Variants in RBFOX2 observed in about 807,000 individuals in gnomAD.
RBFOX2 encodes the protein RNA binding protein fox-1 homolog 2.
Under a neutral mutation model 49.1 loss-of-function variants are expected in RBFOX2, and 10 were observed. The ratio of observed to expected loss-of-function variants is 0.20; its 90% CI spans 0.13 to 0.35. The LOEUF (loss-of-function observed/expected upper bound fraction) is 0.35. Ranked by LOEUF, RBFOX2 falls within the 10% of genes least tolerant of loss-of-function variation. The pLI is 1.00. For missense variants in RBFOX2, 323 were observed against 486.9 expected (o/e 0.66, Z 3.17); for synonymous variants, 183 against 187.4 (o/e 0.98, Z 0.19).
intron 1 of RBFOX2, among the ~76,000 whole-genome samples, chr22:35,829,136 G>GATAAAGCTCAAGAATATTTATAGACAT: frequency 6.6e-6 from 1 of 152,214 alleles, no homozygotes; most frequent in Admixed American, 6.5e-5. Flanking sequence ...TTGTGCTGTA[G>GATAAAGCTCAAGAATATTTATAGACAT]ATAAAGCTCA....
At chr22:35,867,412 T>A (rs1014015163) in intron 1 of RBFOX2, among the ~76,000 whole-genome samples, 7 of 152,230 alleles carry the variant, frequency 4.6e-5, no homozygotes, top group African/African-American at 1.7e-4. Flanking sequence ...TGACACCTAA[T>A]GTTTGTAATG....
intron 1 of RBFOX2, among the ~76,000 whole-genome samples, chr22:35,873,124 G>T (rs2044574188): frequency 6.6e-6 from 1 of 152,088 alleles, no homozygotes; most frequent in Non-Finnish European, 1.5e-5. Context: ...TGCAAAATTT[G>T]TTACTGAATT....
At chr22:35,769,774 G>A (rs571523069) in intron 4 of RBFOX2, among the ~76,000 whole-genome samples, 4 of 152,030 alleles carry the variant, frequency 2.6e-5, no homozygotes, top group Non-Finnish European at 2.9e-5. Context: ...TAAACAATGC[G>A]CGTTGCTTAA....
At chr22:35,854,985 C>T (rs1269897365) in intron 1 of RBFOX2, among the ~76,000 whole-genome samples, 1 of 152,034 alleles carries the variant, frequency 6.6e-6, no homozygotes, top group African/African-American at 2.4e-5. Context: ...AATAATGTAG[C>T]CTCAGTTATT....
chr22:35,899,215 AT>A (rs1420121601), intron 1 of RBFOX2, among the ~76,000 whole-genome samples: 1 of 151,684 alleles, frequency 6.6e-6, no homozygotes, highest in African/African-American at 2.4e-5. Flanking sequence ...TATAAAAGAC[AT>A]ACCCTGCAGC....
chr22:35,746,070 T>A, intron 10 of RBFOX2, 75 bp from the exon 13 acceptor site: 1 of 1,305,808 alleles, frequency 7.7e-7, no homozygotes, highest in African/African-American at 1.5e-5. Flanking sequence ...TTACTGTGCT[T>A]TAAGACTTGT....
rs145238669 is a variant in RBFOX2, at chr22:35,854,212, CTAA to C, written c.-33-44211_-33-44209del. 9.3e-3 allele frequency among the ~76,000 whole-genome samples: 1,409 copies of C among 150,880 alleles called. 17 individuals are homozygous for C. The highest frequency in any genetic ancestry group is 0.029 in the African/African-American group (1,193 of 41,142). ...GGGCAACGAAAGCAAAACTCTGTCT[CTAA>C]TAATAATAATAATAATAATACGACC... On this transcript the variant is annotated intron_variant, in intron 1 of 13. Coordinates refer to the RBFOX2 transcript ENST00000359369.
At chr22:35,920,113 A>C (rs577139565) in intron 1 of RBFOX2, among the ~76,000 whole-genome samples, 1 of 152,352 alleles carries the variant, frequency 6.6e-6, no homozygotes, top group East Asian at 1.9e-4. Context: ...AGTTTTAACT[A>C]ATTTGGTTCC....
intron 2 of RBFOX2, among the ~76,000 whole-genome samples, chr22:35,781,962 TTGAG>T (rs762566289): frequency 6.6e-6 from 1 of 152,136 alleles, no homozygotes; most frequent in Non-Finnish European, 1.5e-5. Context: ...TGTTGGTGTT[TTGAG>T]TATTTATAGT....
rs1054795641 is a variant in RBFOX2 at position 35,856,301 on chromosome 22, C to T, written c.-33-46297G>A. ...ACATACAACCCTTGGGATCTCAAGA[C>T]TTAGCAAGCACTGGTTAAGTTCAGT... On this transcript the variant is annotated intron_variant, in intron 1 of 13. Transcript: ENST00000359369. Among the ~76,000 whole-genome samples the T allele has an allele frequency of 4.6e-5, 7 of 152,254 alleles. No individual in the cohort carries two copies. The South Asian group carries it at 1.5e-3, about 32-fold the overall frequency.
intron 1 of RBFOX2, among the ~76,000 whole-genome samples, chr22:35,864,260 TG>T (rs1293497126): frequency 6.6e-6 from 1 of 152,228 alleles, no homozygotes; most frequent in African/African-American, 2.4e-5. Flanking sequence ...TCTAGGAATC[TG>T]AGTAATTAAG....
intron 1 of RBFOX2, among the ~76,000 whole-genome samples, chr22:35,991,190 A>G (rs1453283128): frequency 2.0e-5 from 3 of 152,184 alleles, no homozygotes; most frequent in Non-Finnish European, 4.4e-5. Flanking sequence ...AAATTTAGTT[A>G]AGAGAAAGGA....
intron 1 of RBFOX2, among the ~76,000 whole-genome samples, chr22:35,891,580 C>T (rs1015853825): frequency 7.2e-5 from 11 of 152,108 alleles, no homozygotes; most frequent in Non-Finnish European, 1.2e-4. Context: ...AAAATAAAAT[C>T]CAGAAGTTCA....
chr22:35,805,601 T>C (rs1311243173), intron 2 of RBFOX2, among the ~76,000 whole-genome samples: 1 of 152,172 alleles, frequency 6.6e-6, no homozygotes, highest in African/African-American at 2.4e-5. Flanking sequence ...TCTTATCATA[T>C]GATCCAGCAA....
chr22:35,971,174 C>A (rs911434107), intron 1 of RBFOX2, among the ~76,000 whole-genome samples: 1 of 152,050 alleles, frequency 6.6e-6, no homozygotes, highest in African/African-American at 2.4e-5. Flanking sequence ...CAGGTATGCT[C>A]CCCTGGCAAC....
chr22:35,983,531 G>T (rs2057560364), intron 1 of RBFOX2, among the ~76,000 whole-genome samples: 1 of 152,136 alleles, frequency 6.6e-6, no homozygotes, highest in African/African-American at 2.4e-5. Context: ...AATCACTGTG[G>T]TAAGATGTTA....
intron 1 of RBFOX2, chr22:35,994,372 TTTTA>T (rs1449688413): frequency 3.3e-5 from 5 of 151,542 alleles, no homozygotes; most frequent in South Asian, 2.1e-4. Flanking sequence ...GAGTGCATCC[TTTTA>T]TTTATTCATT....
chr22:35,914,226 T>C (rs910109559), intron 1 of RBFOX2, among the ~76,000 whole-genome samples: 7 of 152,184 alleles, frequency 4.6e-5, no homozygotes, highest in South Asian at 2.1e-4. Flanking sequence ...ATCTGTAAAA[T>C]TGGGTTAACA....
intron 1 of RBFOX2, among the ~76,000 whole-genome samples, chr22:35,979,842 C>T (rs2057372238): frequency 6.6e-6 from 1 of 152,228 alleles, no homozygotes; most frequent in Admixed American, 6.5e-5. Flanking sequence ...CAGTGCCATA[C>T]TAACTCAGTC....
Sources: allele counts gnomAD v4.1 joint callset (sites outside exome capture counted in the v4.1 genomes callset), GRCh38; gene constraint gnomAD v4.1.1; transcripts MANE v1.5; gene names NCBI Gene and HGNC (gene_info 2026-07-23, HGNC 2026-07-21).